Variants in P2RY8 observed in about 807,000 individuals in gnomAD.
The protein encoded by P2RY8 is S-geranylgeranyl-glutathione receptor P2RY8.
Under a neutral mutation model 10.0 loss-of-function variants are expected in P2RY8, and 6 were observed. That is an observed-to-expected ratio of 0.60 (90% CI 0.33 to 1.19). The LOEUF (loss-of-function observed/expected upper bound fraction) is 1.19. Among genes scored for constraint, P2RY8 ranks in the 50% most tolerant of loss-of-function variants. The pLI, the probability that P2RY8 is intolerant of heterozygous loss-of-function variation, is 0.04. For synonymous variants in P2RY8, 276 were observed against 252.5 expected (o/e 1.09, Z -0.88); for missense variants, 456 against 542.0 (o/e 0.84, Z 1.58).
intron 1 of P2RY8, among the ~76,000 whole-genome samples, chrX:1,514,051 C>A (rs756735413): frequency 6.6e-6 from 1 of 152,286 alleles, no homozygotes; most frequent in South Asian, 2.1e-4. Context: ...AGGTACGCAC[C>A]ATTGAACCCA....
rs747946328 is a variant in P2RY8, at chrX:1,483,148, G to C, written c.-24-16566C>G. ...AAATAAAGATCGTTGCTCAGTGTGA[G>C]TTGACGCGGACTTGCCTTAGGATAC... On this transcript the variant is annotated intron_variant, in intron 1 of 1. Coordinates refer to ENST00000381297, the MANE Select transcript of P2RY8 (RefSeq NM_178129.5). Among the ~76,000 whole-genome samples, 6 of 152,300 alleles carry C rather than the reference G, an allele frequency of 3.9e-5. No individual in the cohort carries two copies. The South Asian group carries it at 1.2e-3, about 32-fold the overall frequency.
At chrX:1,466,684 G>T (rs2091683690) in intron 1 of P2RY8, 102 bp from the exon 2 acceptor site, 1 of 1,171,842 alleles carries the variant, frequency 8.5e-7, no homozygotes, top group South Asian at 1.5e-5. Context: ...CAAGGCGGGG[G>T]AGATGCTTTA....
chrX:1,516,670 G>T (rs1246227387), intron 1 of P2RY8, among the ~76,000 whole-genome samples: 10 of 151,506 alleles, frequency 6.6e-5, no homozygotes, highest in Non-Finnish European at 1.5e-4. Flanking sequence ...CTCCAGGATT[G>T]TGGGAGAATC....
At chrX:1,509,102 T>G (rs1236143555) in intron 1 of P2RY8, among the ~76,000 whole-genome samples, 2 of 92,468 alleles carry the variant, frequency 2.2e-5, no homozygotes, top group African/African-American at 9.7e-5. Flanking sequence ...TATCTATGTA[T>G]CTATCTATCT....
chrX:1,507,222 G>T (rs1183294657), intron 1 of P2RY8, among the ~76,000 whole-genome samples: 2 of 152,000 alleles, frequency 1.3e-5, no homozygotes, highest in African/African-American at 4.8e-5. Context: ...AGCAAGGAGG[G>T]TCTAAGTTCA....
intron 1 of P2RY8, among the ~76,000 whole-genome samples, chrX:1,475,412 C>T (rs2091863928): frequency 6.6e-6 from 1 of 151,834 alleles, no homozygotes; most frequent in Non-Finnish European, 1.5e-5. Flanking sequence ...ACAGATTTTC[C>T]CTCAGAGCCC....
intron 1 of P2RY8, among the ~76,000 whole-genome samples, chrX:1,527,571 T>A (rs2092447169): frequency 6.6e-6 from 1 of 152,098 alleles, no homozygotes; most frequent in Non-Finnish European, 1.5e-5. Flanking sequence ...ATTTATTCCT[T>A]ATTCATCCAC....
intron 1 of P2RY8, among the ~76,000 whole-genome samples, chrX:1,480,886 T>C (rs1207135770): frequency 6.6e-6 from 1 of 150,838 alleles, no homozygotes; most frequent in African/African-American, 2.5e-5. Flanking sequence ...CAAAAAAAAC[T>C]CTTAAGATTC....
intron 1 of P2RY8, among the ~76,000 whole-genome samples, chrX:1,520,324 C>A (rs1453427243): frequency 6.6e-6 from 1 of 151,250 alleles, no homozygotes; most frequent in African/African-American, 2.4e-5. Flanking sequence ...TGTCTCTAGT[C>A]CTCAATCATC....
chrX:1,505,192 G>A (rs2092221016), intron 1 of P2RY8, among the ~76,000 whole-genome samples: 1 of 151,636 alleles, frequency 6.6e-6, no homozygotes, highest in African/African-American at 2.4e-5. Context: ...TTGGAAACGT[G>A]AATCAGGGCG....
At position 1,465,330 on chromosome X, in the gene P2RY8, A is replaced by T. The variant is rs1395585327; in HGVS notation, c.*149T>A. The T allele has an allele frequency of 8.4e-6, 11 of 1,313,282 alleles. No individual in the cohort carries two copies. Among genetic ancestry groups the T allele is most frequent in the African/African-American group, 2.9e-5 (2 of 67,894 alleles). 81.4% of individuals were successfully genotyped at this position (1,313,282 alleles called of 1,614,324 possible). A position where few individuals can be genotyped will look rare whatever the true frequency, so the allele number is the denominator to read the frequency against. Reference sequence around the variant, plus strand: ...GGTGCCTCTGCAGTGCCTGGGAGGAATAAAGCCTGGAGACCCTTCCCCACC... The same window carrying T: ...GGTGCCTCTGCAGTGCCTGGGAGGATTAAAGCCTGGAGACCCTTCCCCACC... On this transcript the variant is annotated 3_prime_UTR_variant, in exon 2 of 2. Coordinates refer to ENST00000381297, the MANE Select transcript of P2RY8 (RefSeq NM_178129.5).
chrX:1,524,204 G>A (rs1199437625), intron 1 of P2RY8, among the ~76,000 whole-genome samples: 2 of 152,032 alleles, frequency 1.3e-5, no homozygotes, highest in East Asian at 1.9e-4. Flanking sequence ...TGGTGTGGGG[G>A]GAGCATTGAG....
At chrX:1,492,580 G>C (rs2149392095) in intron 1 of P2RY8, among the ~76,000 whole-genome samples, 1 of 152,244 alleles carries the variant, frequency 6.6e-6, no homozygotes, top group East Asian at 1.9e-4. Context: ...AACCATGTAA[G>C]CTCCTGGATC....
intron 1 of P2RY8, among the ~76,000 whole-genome samples, chrX:1,524,645 ACATCCATCCATCCATC>A (rs2092423401): frequency 4.7e-5 from 2 of 42,222 alleles, no homozygotes; most frequent in East Asian, 9.7e-4. Context: ...ATCCATCCAT[ACATCCATCCATCCATC>A]CATCCATTCA....
At chrX:1,530,084 G>A (rs1448674083) in intron 1 of P2RY8, among the ~76,000 whole-genome samples, 3 of 151,460 alleles carry the variant, frequency 2.0e-5, no homozygotes, top group African/African-American at 2.4e-5. Flanking sequence ...CTCTCTCTCC[G>A]TCATCCATCT....
chrX:1,520,319 C>G (rs189577273), intron 1 of P2RY8, among the ~76,000 whole-genome samples: 1 of 151,442 alleles, frequency 6.6e-6, no homozygotes, highest in East Asian at 2.0e-4. Context: ...AATATTGTCT[C>G]TAGTCCTCAA....
At position 1,535,736 on chromosome X, in the gene P2RY8, C is replaced by G. The variant is rs1490687432; in HGVS notation, c.-25+1185G>C. Among the ~76,000 whole-genome samples, 5 of 150,386 alleles carry G rather than the reference C, an allele frequency of 3.3e-5. No individual in the cohort carries two copies. The East Asian group carries it at 9.6e-4, about 29-fold the overall frequency. ...ACACAGACACACACACAGACACACA[C>G]ACACACACACACACAAACCCTTTTC... On this transcript the variant is annotated intron_variant, in intron 1 of 1. Transcript: ENST00000381297.
At chrX:1,535,772 CAG>C (rs1483300633) in intron 1 of P2RY8, among the ~76,000 whole-genome samples, 4 of 151,464 alleles carry the variant, frequency 2.6e-5, no homozygotes, top group African/African-American at 9.7e-5. Context: ...TTTTTGGGAA[CAG>C]AGCCACGTGA....
chrX:1,519,214 ATTCTCTCTGAGTCTCAATG>A (rs1451975214), intron 1 of P2RY8, among the ~76,000 whole-genome samples: 1 of 149,822 alleles, frequency 6.7e-6, no homozygotes. Context: ...GAGCCTCAAT[ATTCTCTCTGAGTCTCAATG>A]TTCTCTCTTG....
Sources: allele counts gnomAD v4.1 joint callset (sites outside exome capture counted in the v4.1 genomes callset), GRCh38; gene constraint gnomAD v4.1.1; transcripts MANE v1.5; gene names NCBI Gene and HGNC (gene_info 2026-07-23, HGNC 2026-07-21).